The following NXPH1 variants were observed in gnomAD, a reference collection of about 807,000 sequenced individuals.
The protein encoded by NXPH1 is neurexophilin 1, also known as neurexophilin-1.
Under a neutral mutation model 23.7 loss-of-function variants are expected in NXPH1, and 5 were observed. That is an observed-to-expected ratio of 0.21 (90% CI 0.11 to 0.44). NXPH1 has a LOEUF of 0.44. Among genes scored for constraint, NXPH1 ranks in the 20% least tolerant of loss-of-function variants. The probability of loss-of-function intolerance (pLI) is 0.99; values close to 1 mark genes in which losing one functional copy is unlikely to be tolerated. For synonymous variants in NXPH1, 144 were observed against 122.2 expected, an observed-to-expected ratio of 1.18 and a Z score of -1.18; for missense variants, 324 against 321.6, an observed-to-expected ratio of 1.01 and a Z score of -0.06.
At chr7:8,665,681 A>C (rs1321651764) in intron 2 of NXPH1, among the ~76,000 whole-genome samples, 1 of 152,010 alleles carries the variant, frequency 6.6e-6, no homozygotes, top group East Asian at 1.9e-4. Flanking sequence ...AATGTGTTTA[A>C]TTTATTTCAT....
chr7:8,567,477 T>C (rs1818566227), intron 2 of NXPH1, among the ~76,000 whole-genome samples: 1 of 151,964 alleles, frequency 6.6e-6, no homozygotes, highest in South Asian at 2.1e-4. Flanking sequence ...ATGGGACAAT[T>C]TCTATAGAAT....
chr7:8,696,414 C>G (rs965186406), intron 2 of NXPH1, among the ~76,000 whole-genome samples: 2 of 152,084 alleles, frequency 1.3e-5, no homozygotes, highest in African/African-American at 4.8e-5. Flanking sequence ...TACTAAATAA[C>G]TAAGTAAGCC....
intron 2 of NXPH1, among the ~76,000 whole-genome samples, chr7:8,447,207 A>C (rs1816420644): frequency 2.0e-5 from 3 of 152,248 alleles, no homozygotes; most frequent in Admixed American, 6.5e-5. Flanking sequence ...AGAGCTGTCT[A>C]TCTAATCTCT....
At chr7:8,651,129 C>G (rs529981435) in intron 2 of NXPH1, among the ~76,000 whole-genome samples, 169 of 150,042 alleles carry the variant, frequency 1.1e-3, no homozygotes, top group Non-Finnish European at 2.2e-3. Flanking sequence ...CCACTCCCCC[C>G]ACCCCACAAC....
chr7:8,453,193 G>T (rs1402716278), intron 2 of NXPH1, among the ~76,000 whole-genome samples: 4 of 152,126 alleles, frequency 2.6e-5, no homozygotes, highest in African/African-American at 9.6e-5. Context: ...AGAAATACTT[G>T]TATTTGTATT....
chr7:8,604,702 A>G (rs544847647), intron 2 of NXPH1, among the ~76,000 whole-genome samples: 16 of 152,278 alleles, frequency 1.1e-4, no homozygotes, highest in African/African-American at 3.8e-4. Flanking sequence ...ATTATTTTCT[A>G]AAACAAGATA....
chr7:8,490,882 T>C (rs1475137198), intron 2 of NXPH1, among the ~76,000 whole-genome samples: 1 of 152,196 alleles, frequency 6.6e-6, no homozygotes, highest in Admixed American at 6.6e-5. Flanking sequence ...GCCAAGTACT[T>C]CTGGTGTTTG....
At chr7:8,463,731 A>G (rs918370576) in intron 2 of NXPH1, among the ~76,000 whole-genome samples, 9 of 152,086 alleles carry the variant, frequency 5.9e-5, no homozygotes, top group African/African-American at 4.8e-5. Flanking sequence ...GCTTTGTTCT[A>G]TGGACTGTTC....
chr7:8,498,246 T>C (rs75877172), intron 2 of NXPH1, among the ~76,000 whole-genome samples: 9 of 152,160 alleles, frequency 5.9e-5, no homozygotes, highest in Middle Eastern at 6.8e-3. Flanking sequence ...TTCATTATCA[T>C]ACCTGTCAAC....
intron 2 of NXPH1, among the ~76,000 whole-genome samples, chr7:8,644,525 A>AT (rs1365037101): frequency 2.6e-5 from 4 of 151,118 alleles, no homozygotes; most frequent in South Asian, 2.1e-4. Flanking sequence ...TGTTGATGGC[A>AT]TTTTTTCTTC....
At chr7:8,654,610 A>G (rs1237488368) in intron 2 of NXPH1, among the ~76,000 whole-genome samples, 3 of 152,148 alleles carry the variant, frequency 2.0e-5, no homozygotes, top group African/African-American at 7.2e-5. Context: ...GGCCTATAAA[A>G]CATTCCATGA....
chr7:8,559,142 G>A (rs2128620514), intron 2 of NXPH1, among the ~76,000 whole-genome samples: 1 of 151,600 alleles, frequency 6.6e-6, no homozygotes, highest in Non-Finnish European at 1.5e-5. Flanking sequence ...AAATTTTTTA[G>A]AGACAAGGTC....
chr7:8,447,367 T>G (rs1268532208), intron 2 of NXPH1, among the ~76,000 whole-genome samples: 2 of 152,252 alleles, frequency 1.3e-5, no homozygotes, highest in East Asian at 3.8e-4. Context: ...AAGTTATTCA[T>G]GCATGGTCAG....
At chr7:8,653,857 A>G (rs1318815378) in intron 2 of NXPH1, among the ~76,000 whole-genome samples, 1 of 152,202 alleles carries the variant, frequency 6.6e-6, no homozygotes, top group Non-Finnish European at 1.5e-5. Flanking sequence ...TTCTTACAAT[A>G]CATAGCTGAC....
intron 2 of NXPH1, among the ~76,000 whole-genome samples, chr7:8,461,607 G>T (rs991618989): frequency 6.6e-6 from 1 of 150,794 alleles, no homozygotes; most frequent in African/African-American, 2.4e-5. Context: ...GAGGCGGGTG[G>T]ATCATGAGGT....
At chr7:8,540,163 T>A (rs914591322) in intron 2 of NXPH1, among the ~76,000 whole-genome samples, 3 of 151,730 alleles carry the variant, frequency 2.0e-5, no homozygotes, top group Non-Finnish European at 4.4e-5. Flanking sequence ...AATCACAGAA[T>A]CACCTGGGAA....
chr7:8,499,654 C>T (rs976990672), intron 2 of NXPH1, among the ~76,000 whole-genome samples: 2 of 152,096 alleles, frequency 1.3e-5, no homozygotes, highest in Non-Finnish European at 2.9e-5. Context: ...GTAATCAATA[C>T]TCATGCCTAG....
chr7:8,722,803 TC>T (rs1236133147), intron 2 of NXPH1, among the ~76,000 whole-genome samples: 1 of 152,140 alleles, frequency 6.6e-6, no homozygotes, highest in African/African-American at 2.4e-5. Flanking sequence ...CTCCTAACCA[TC>T]TTGATAGCCT....
intron 2 of NXPH1, among the ~76,000 whole-genome samples, chr7:8,622,346 C>T (rs1036611907): frequency 6.6e-6 from 1 of 152,182 alleles, no homozygotes; most frequent in Non-Finnish European, 1.5e-5. Context: ...GTAGCTTATA[C>T]AAGGGCATAT....
Sources: gnomAD v4.1 joint callset for allele counts (sites outside exome capture counted in the v4.1 genomes callset) on GRCh38, gnomAD v4.1.1 for gene constraint, MANE v1.5 for transcripts, NCBI Gene and HGNC (gene_info 2026-07-23, HGNC 2026-07-21) for gene names.